The following PPARGC1A variants were observed in gnomAD, a reference collection of about 807,000 sequenced individuals.
PPARGC1A encodes PPARG coactivator 1 alpha.
In PPARGC1A, 25 loss-of-function variants were observed where a neutral mutation model predicts 88.7. That is an observed-to-expected ratio of 0.28 (90% confidence interval 0.21 to 0.39). The LOEUF is 0.39. PPARGC1A is among the 10% of genes least tolerant of loss of function. PPARGC1A has a pLI of 1.00. For synonymous variants in PPARGC1A, 363 were observed against 355.6 expected, an observed-to-expected ratio of 1.02 and a Z score of -0.24; for missense variants, 880 against 968.7, an observed-to-expected ratio of 0.91 and a Z score of 1.22.
the PPARGC1A span, among the ~76,000 whole-genome samples, chr4:24,213,019 C>T: frequency 2.6e-5 from 4 of 152,104 alleles, no homozygotes; most frequent in African/African-American, 7.2e-5. Context: ...TGTTGGTGGA[C>T]ACCTGCCAGC....
chr4:24,220,306 G>A, the PPARGC1A span, among the ~76,000 whole-genome samples: 166 of 152,308 alleles, frequency 1.1e-3, 1 homozygote, highest in East Asian at 0.03. Flanking sequence ...ACTGTAGAAA[G>A]CAGTTTGTAG....
chr4:23,988,908 A>C, the PPARGC1A span, among the ~76,000 whole-genome samples: 1 of 147,386 alleles, frequency 6.8e-6, no homozygotes, highest in Non-Finnish European at 1.5e-5. Context: ...ATAAATAGAT[A>C]TTATTATATA....
the PPARGC1A span, among the ~76,000 whole-genome samples, chr4:24,344,525 T>C: frequency 1.3e-5 from 2 of 152,300 alleles, no homozygotes; most frequent in South Asian, 2.1e-4. Flanking sequence ...TTTTCATATA[T>C]TCGTTGGCCA....
At chr4:24,422,515 G>T in the PPARGC1A span, among the ~76,000 whole-genome samples, 12 of 151,788 alleles carry the variant, frequency 7.9e-5, no homozygotes, top group African/African-American at 2.9e-4. Flanking sequence ...TTTAAGATTC[G>T]GAATAAAATC....
At chr4:24,124,829 C>T in the PPARGC1A span, among the ~76,000 whole-genome samples, 118 of 152,210 alleles carry the variant, frequency 7.8e-4, no homozygotes, top group African/African-American at 2.7e-3. Context: ...GACTGCTCTG[C>T]TTAAATTTTA....
At chr4:24,018,831 T>C in the PPARGC1A span, among the ~76,000 whole-genome samples, 2 of 152,186 alleles carry the variant, frequency 1.3e-5, no homozygotes, top group African/African-American at 4.8e-5. Context: ...CACCTCATTT[T>C]AAAGTTTTCT....
At chr4:24,456,317 T>C in the PPARGC1A span, among the ~76,000 whole-genome samples, 1 of 152,078 alleles carries the variant, frequency 6.6e-6, no homozygotes, top group Non-Finnish European at 1.5e-5. Flanking sequence ...GATTTCCAGA[T>C]ATGAGACAAG....
At chr4:24,047,265 C>T in the PPARGC1A span, among the ~76,000 whole-genome samples, 1 of 152,162 alleles carries the variant, frequency 6.6e-6, no homozygotes, top group African/African-American at 2.4e-5. Flanking sequence ...CTTATCACTG[C>T]TTGACATATT....
chr4:23,874,086 G>A (rs1226002939), intron 2 of PPARGC1A, among the ~76,000 whole-genome samples: 1 of 152,106 alleles, frequency 6.6e-6, no homozygotes, highest in African/African-American at 2.4e-5. Flanking sequence ...GGGAAAAAAT[G>A]TTAGTTCAAC....
chr4:23,935,860 A>C, the PPARGC1A span, among the ~76,000 whole-genome samples: 1 of 152,258 alleles, frequency 6.6e-6, no homozygotes, highest in Admixed American at 6.5e-5. Flanking sequence ...CTTGTATAAC[A>C]GTAAGACATG....
chr4:24,079,452 A>C, the PPARGC1A span, among the ~76,000 whole-genome samples: 1 of 149,622 alleles, frequency 6.7e-6, no homozygotes, highest in Non-Finnish European at 1.5e-5. Flanking sequence ...TTGTTTTCCT[A>C]GTGAAATGTG....
At chr4:24,447,018 G>A in the PPARGC1A span, among the ~76,000 whole-genome samples, 14 of 152,084 alleles carry the variant, frequency 9.2e-5, no homozygotes, top group African/African-American at 3.1e-4. Flanking sequence ...TGGCAGCATC[G>A]TCTATCTGAC....
At chr4:24,325,761 G>A in the PPARGC1A span, among the ~76,000 whole-genome samples, 6 of 152,018 alleles carry the variant, frequency 3.9e-5, no homozygotes, top group Non-Finnish European at 7.4e-5. Flanking sequence ...AGGTAAGTCC[G>A]TCCCCTTCTT....
At chr4:24,258,196 T>C in the PPARGC1A span, 1 of 976,820 alleles carries the variant, frequency 1.0e-6, no homozygotes, top group Non-Finnish European at 1.2e-6. Flanking sequence ...TAATGTATTA[T>C]ACTTACAAAG....
At chr4:24,147,557 G>A in the PPARGC1A span, among the ~76,000 whole-genome samples, 3 of 151,990 alleles carry the variant, frequency 2.0e-5, no homozygotes, top group African/African-American at 4.8e-5. Context: ...CCCTATACCC[G>A]GTCTTGGCCA....
chr4:23,995,637 G>A, the PPARGC1A span, among the ~76,000 whole-genome samples: 1 of 152,042 alleles, frequency 6.6e-6, no homozygotes, highest in South Asian at 2.1e-4. Flanking sequence ...CACAGGCCTG[G>A]AACCCTCATT....
At chr4:24,111,833 C>T in the PPARGC1A span, among the ~76,000 whole-genome samples, 4 of 152,128 alleles carry the variant, frequency 2.6e-5, no homozygotes, top group Non-Finnish European at 5.9e-5. Context: ...CACACATGCG[C>T]ACGTGCACAC....
intron 12 of PPARGC1A, among the ~76,000 whole-genome samples, chr4:23,797,697 T>C (rs2109313776): frequency 7.0e-6 from 1 of 142,164 alleles, no homozygotes; most frequent in East Asian, 2.2e-4. Context: ...GGCACACTGT[T>C]ACTCAGAAAA....
the PPARGC1A span, among the ~76,000 whole-genome samples, chr4:24,042,493 G>A: frequency 3.4e-4 from 51 of 152,190 alleles, no homozygotes; most frequent in Non-Finnish European, 5.4e-4. Context: ...AAAGTGTACT[G>A]CATAATCCTT....
Sources: gnomAD v4.1 joint callset for allele counts (sites outside exome capture counted in the v4.1 genomes callset) on GRCh38, gnomAD v4.1.1 for gene constraint, MANE v1.5 for transcripts, NCBI Gene and HGNC (gene_info 2026-07-23, HGNC 2026-07-21) for gene names.